The following OSBPL3 variants were observed in gnomAD, a reference collection of about 807,000 sequenced individuals.
The protein encoded by OSBPL3 is oxysterol-binding protein-related protein 3.
A neutral mutation model predicts 120.1 loss-of-function variants in OSBPL3; 65 were observed. The observed-to-expected ratio is 0.54, with a 90% confidence interval of 0.44 to 0.67. The LOEUF (loss-of-function observed/expected upper bound fraction) is 0.67, where lower values mean the gene tolerates loss of function less well. Among genes scored for constraint, OSBPL3 ranks in the 30% least tolerant of loss-of-function variants. The pLI is 0.00. For synonymous variants in OSBPL3, 416 were observed against 402.6 expected (o/e 1.03, Z -0.40); for missense variants, 1,004 against 1,082.1 (o/e 0.93, Z 1.01).
chr7:24,925,753 G>A (rs1168063985), intron 1 of OSBPL3, among the ~76,000 whole-genome samples: 1 of 152,162 alleles, frequency 6.6e-6, no homozygotes, highest in Non-Finnish European at 1.5e-5. Context: ...AAAGAGATAG[G>A]TCCTACTGAT....
At chr7:24,823,107 G>C (rs1411814199) in intron 16 of OSBPL3, among the ~76,000 whole-genome samples, 1 of 152,178 alleles carries the variant, frequency 6.6e-6, no homozygotes, top group East Asian at 1.9e-4. Context: ...ACGAGGGAAA[G>C]GTTTTTGTTG....
At chr7:24,810,017 A>G in intron 19 of OSBPL3, 66 bp from the exon 20 acceptor site, 3 of 1,560,170 alleles carry the variant, frequency 1.9e-6, no homozygotes, top group Non-Finnish European at 2.6e-6. Flanking sequence ...TTAAGGAAAG[A>G]AAAAAGGAAA....
At chr7:24,858,398 A>T (rs1800095550) in intron 10 of OSBPL3, among the ~76,000 whole-genome samples, 1 of 152,250 alleles carries the variant, frequency 6.6e-6, no homozygotes, top group Admixed American at 6.5e-5. Flanking sequence ...GTTTGAATGT[A>T]TGGAAGTGAG....
At chr7:24,848,833 A>G (rs1798756907) in intron 12 of OSBPL3, among the ~76,000 whole-genome samples, 1 of 152,238 alleles carries the variant, frequency 6.6e-6, no homozygotes, top group African/African-American at 2.4e-5. Flanking sequence ...ATAAAAAAAA[A>G]AGAGAGTTCT....
chr7:24,866,898 T>A (rs1260556006), intron 5 of OSBPL3, among the ~76,000 whole-genome samples: 2 of 152,112 alleles, frequency 1.3e-5, no homozygotes, highest in Non-Finnish European at 2.9e-5. Context: ...ACCTCCCAGG[T>A]TCAAGCGATC....
At chr7:24,908,736 T>A (rs60028261) in intron 1 of OSBPL3, among the ~76,000 whole-genome samples, 4,169 of 152,322 alleles carry the variant, frequency 0.027, 180 homozygotes, top group African/African-American at 0.086. Flanking sequence ...CAGGCTTTTT[T>A]AAAAAGAAAT....
At chr7:24,838,325 G>A (rs1017037157) in intron 14 of OSBPL3, among the ~76,000 whole-genome samples, 3 of 152,142 alleles carry the variant, frequency 2.0e-5, no homozygotes, top group African/African-American at 7.2e-5. Flanking sequence ...GTGAAACCCT[G>A]TTTCTATTAA....
intron 12 of OSBPL3, among the ~76,000 whole-genome samples, chr7:24,844,791 G>A (rs538984911): frequency 6.6e-6 from 1 of 152,180 alleles, no homozygotes; most frequent in African/African-American, 2.4e-5. Flanking sequence ...GGAAGTGGAC[G>A]TGGCCCCTAT....
rs1309797145 is a variant in OSBPL3, at chr7:24,862,175, C to T, written c.871-406G>A. On this transcript the variant is annotated intron_variant, in intron 9 of 22. Transcript: ENST00000313367. The surrounding 1 kb of genome is among the most constrained non-coding windows in gnomAD (Gnocchi z 4.4). ...TGCTGGGATTACAGGCGTGAGCCAC[C>T]GCGCCCAGCCTAGGTAGGTCTTTCT... Among the ~76,000 whole-genome samples, 2 of 152,178 alleles carry T rather than the reference C, an allele frequency of 1.3e-5. No individual in the cohort carries two copies. Among genetic ancestry groups the T allele is most frequent in the African/African-American group, 2.4e-5 (1 of 41,528 alleles).
intron 1 of OSBPL3, among the ~76,000 whole-genome samples, chr7:24,979,208 G>A (rs1817914863): frequency 6.6e-6 from 1 of 151,898 alleles, no homozygotes; most frequent in Non-Finnish European, 1.5e-5. Context: ...GGGCCTCCAG[G>A]AAAGGACCAA....
chr7:24,954,374 A>T (rs934173808), intron 1 of OSBPL3, among the ~76,000 whole-genome samples: 2 of 152,224 alleles, frequency 1.3e-5, no homozygotes, highest in African/African-American at 4.8e-5. Context: ...AATAGCTTTA[A>T]AAGTTCTATA....
At chr7:24,969,556 G>A (rs906408871) in intron 1 of OSBPL3, among the ~76,000 whole-genome samples, 1 of 152,054 alleles carries the variant, frequency 6.6e-6, no homozygotes, top group African/African-American at 2.4e-5. Flanking sequence ...TATTAAAAGT[G>A]TATTGTATTT....
intron 1 of OSBPL3, among the ~76,000 whole-genome samples, chr7:24,929,022 G>A (rs1811452926): frequency 6.6e-6 from 1 of 152,122 alleles, no homozygotes; most frequent in African/African-American, 2.4e-5. Flanking sequence ...CAGTACGACG[G>A]GCCAGAGGGT....
rs1289991417 is a variant in OSBPL3 at position 24,833,593 on chromosome 7, T to C, written c.1746+893A>G. 6.6e-6 allele frequency among the ~76,000 whole-genome samples: 1 copy of C among 152,198 alleles called. No homozygotes were observed. The highest frequency in any genetic ancestry group is 2.4e-5 in the African/African-American group (1 of 41,448). On this transcript the variant is annotated intron_variant, in intron 15 of 22. Coordinates refer to ENST00000313367, the MANE Select transcript of OSBPL3 (RefSeq NM_015550.4). This position sits in a 1 kb window ranked among gnomAD's most constrained non-coding sequence, Gnocchi z 4.4. ...TAGGTCTGTGAAGCCGAGGGGGCAC[T>C]CCAATTCCAATGTAGCCAATTGGCA...
rs564389856 is a variant in OSBPL3 at position 24,876,294 on chromosome 7, A to G, written c.97-4225T>C. Among the ~76,000 whole-genome samples the G allele has an allele frequency of 6.4e-3, 969 of 152,316 alleles. 7 individuals are homozygous for G. Among genetic ancestry groups the G allele is most frequent in the Non-Finnish European group, 9.9e-3 (673 of 68,020 alleles). Reference sequence around the variant, plus strand: ...AACGATGTGAACTCTTCAGGATTTTAGTTTGGTTTCTACCTCCTTCCATGA... The same window carrying G: ...AACGATGTGAACTCTTCAGGATTTTGGTTTGGTTTCTACCTCCTTCCATGA... On this transcript the variant is annotated intron_variant, in intron 2 of 22. Transcript: ENST00000313367.
intron 1 of OSBPL3, among the ~76,000 whole-genome samples, chr7:24,917,409 T>TATATATATATATATATATTTGTA (rs1809767192): frequency 2.2e-5 from 3 of 135,008 alleles, no homozygotes; most frequent in Admixed American, 7.3e-5. Flanking sequence ...AACATATATA[T>TATATATATATATATATATTTGTA]ATATATATAT....
Position 24,815,192 on chromosome 7 carries a change from T to C in OSBPL3, c.2039A>G (p.His680Arg). 1.2e-6 allele frequency: 2 copies of C among 1,613,266 alleles called. No individual in the cohort carries two copies. The highest frequency in any genetic ancestry group is 1.7e-6 in the Non-Finnish European group (2 of 1,179,770). ...AGAGGTCACTTTGTTCCACTCAAAA[T>C]GATCCCCAAAACTAAAAAGAAGGAA... ...THVTLPVFGD[H>R]FEWNKVTSCI... Residue 680 changes from histidine to arginine, a missense_variant, in exon 19 of 23, where the codon CAT becomes CGT. By Grantham distance (29) the His-to-Arg change is conservative. Around this residue, in one of 4 missense-constraint regions of OSBPL3, gnomAD observed 473 missense variants for 568.0 expected, o/e 0.83. Transcript: ENST00000313367. The surrounding 1 kb of genome is among the most constrained non-coding windows in gnomAD (Gnocchi z 5.1).
intron 2 of OSBPL3, among the ~76,000 whole-genome samples, chr7:24,884,032 A>C (rs1804096335): frequency 6.6e-6 from 1 of 152,058 alleles, no homozygotes; most frequent in Non-Finnish European, 1.5e-5. Flanking sequence ...CTATATAGTT[A>C]ATTATTTTTC....
At chr7:24,885,374 T>A (rs993531915) in intron 2 of OSBPL3, among the ~76,000 whole-genome samples, 17 of 152,150 alleles carry the variant, frequency 1.1e-4, no homozygotes, top group African/African-American at 4.1e-4. Flanking sequence ...GTTTTATGAG[T>A]TCCGGCCCTG....
Sources: gnomAD v4.1 joint callset for allele counts (sites outside exome capture counted in the v4.1 genomes callset) on GRCh38, gnomAD v4.1.1 for gene constraint, gnomAD v4.1.1 regional missense constraint, Gnocchi (gnomAD v3.1) non-coding constraint, MANE v1.5 for transcripts, NCBI Gene and HGNC (gene_info 2026-07-23, HGNC 2026-07-21) for gene names.